The following ASTN2 variants were observed in gnomAD, a reference collection of about 807,000 sequenced individuals.
ASTN2 encodes the protein astrotactin-2.
A neutral mutation model predicts 139.8 loss-of-function variants in ASTN2; 54 were observed. The ratio of observed to expected loss-of-function variants is 0.39; its 90% confidence interval spans 0.31 to 0.48. ASTN2 has a LOEUF of 0.48. ASTN2 is among the 20% of genes least tolerant of loss of function. The pLI, the probability that ASTN2 is intolerant of heterozygous loss-of-function variation, is 0.95. For synonymous variants in ASTN2, 756 were observed against 719.5 expected (o/e 1.05, Z -0.81); for missense variants, 1,565 against 1,725.1 (o/e 0.91, Z 1.64).
At chr9:117,010,090 T>C (rs1046719948) in intron 6 of ASTN2, among the ~76,000 whole-genome samples, 2 of 152,054 alleles carry the variant, frequency 1.3e-5, no homozygotes, top group African/African-American at 4.8e-5. Flanking sequence ...CTTTGTGAAG[T>C]AGGAGGAATA....
intron 13 of ASTN2, among the ~76,000 whole-genome samples, chr9:116,769,385 G>C (rs973278796): frequency 2.6e-5 from 4 of 152,094 alleles, no homozygotes; most frequent in African/African-American, 4.8e-5. Flanking sequence ...AGAGTAAGTG[G>C]GAAGTGAGGA....
chr9:116,514,954 G>A (rs891879768), intron 19 of ASTN2, among the ~76,000 whole-genome samples: 4 of 152,036 alleles, frequency 2.6e-5, no homozygotes, highest in Non-Finnish European at 4.4e-5. Flanking sequence ...CGGGTGAGGC[G>A]ATGCCTCACC....
intron 4 of ASTN2, among the ~76,000 whole-genome samples, chr9:117,121,881 A>G (rs1587987032): frequency 6.6e-6 from 1 of 152,144 alleles, no homozygotes; most frequent in East Asian, 1.9e-4. Flanking sequence ...ACACTTTCAA[A>G]CAACCAGAAC....
chr9:117,017,093 T>C (rs72757420), intron 6 of ASTN2, among the ~76,000 whole-genome samples: 6,558 of 152,048 alleles, frequency 0.043, 246 homozygotes, highest in South Asian at 0.14. Flanking sequence ...TTCAAAAAAG[T>C]ATCTTTTCCC....
chr9:117,278,727 A>G (rs1031738849), intron 2 of ASTN2, among the ~76,000 whole-genome samples: 1 of 152,220 alleles, frequency 6.6e-6, no homozygotes, highest in African/African-American at 2.4e-5. Flanking sequence ...TTGAGCTGGG[A>G]ACATTAGCAG....
At chr9:117,010,072 AG>A (rs2132590040) in intron 6 of ASTN2, among the ~76,000 whole-genome samples, 2 of 152,316 alleles carry the variant, frequency 1.3e-5, no homozygotes, top group Non-Finnish European at 2.9e-5. Context: ...TGCAAAAGAA[AG>A]AGGGGTCTTT....
intron 5 of ASTN2, among the ~76,000 whole-genome samples, chr9:117,093,097 G>C (rs1425925111): frequency 6.6e-6 from 1 of 152,092 alleles, no homozygotes; most frequent in African/African-American, 2.4e-5. Context: ...TCACACACAA[G>C]TAAGAAGAGA....
At chr9:117,056,297 A>G (rs1351219920) in intron 5 of ASTN2, among the ~76,000 whole-genome samples, 1 of 152,212 alleles carries the variant, frequency 6.6e-6, no homozygotes, top group Non-Finnish European at 1.5e-5. Context: ...ACCAGTACCT[A>G]CTTAAATGGA....
chr9:116,844,254 T>G (rs1206158834), intron 11 of ASTN2, among the ~76,000 whole-genome samples: 1 of 152,230 alleles, frequency 6.6e-6, no homozygotes, highest in African/African-American at 2.4e-5. Context: ...AGAATCAGTT[T>G]TCTTTTTCTC....
chr9:116,936,446 A>T (rs1165331545), intron 10 of ASTN2, among the ~76,000 whole-genome samples: 3 of 152,124 alleles, frequency 2.0e-5, no homozygotes, highest in Admixed American at 2.0e-4. Context: ...GTCTCATTGC[A>T]TTCTCACAAC....
rs550765111 is a variant in ASTN2, at chr9:116,463,748, C to A, written c.3498-21195G>T. Among the ~76,000 whole-genome samples, 3 of 152,252 alleles carry A rather than the reference C, an allele frequency of 2.0e-5. No homozygotes were observed. The East Asian group carries it at 5.8e-4, about 29-fold the overall frequency. Reference sequence around the variant, plus strand: ...TTATAGTTACATTGTGTTTCCTACTCTATCTTCTCCACTACGCTGTGAGCT... The same window carrying A: ...TTATAGTTACATTGTGTTTCCTACTATATCTTCTCCACTACGCTGTGAGCT... On this transcript the variant is annotated intron_variant, in intron 20 of 22. Coordinates refer to ENST00000313400, the MANE Select transcript of ASTN2 (RefSeq NM_001365068.1).
At chr9:117,062,881 T>C (rs1839333273) in intron 5 of ASTN2, among the ~76,000 whole-genome samples, 1 of 152,238 alleles carries the variant, frequency 6.6e-6, no homozygotes, top group Admixed American at 6.5e-5. Flanking sequence ...TTCATAACCA[T>C]ATCAATACGC....
intron 1 of ASTN2, among the ~76,000 whole-genome samples, chr9:117,345,520 G>T (rs184010366): frequency 2.6e-5 from 4 of 152,226 alleles, no homozygotes; most frequent in African/African-American, 9.6e-5. Flanking sequence ...AAGAGATGAC[G>T]ATCTTGCCCA....
At chr9:116,875,824 C>T (rs1043623643) in intron 10 of ASTN2, among the ~76,000 whole-genome samples, 2 of 152,210 alleles carry the variant, frequency 1.3e-5, no homozygotes, top group Non-Finnish European at 2.9e-5. Flanking sequence ...TGAATGACAG[C>T]ACATCTGTTT....
At chr9:117,381,020 T>C (rs1313919588) in intron 1 of ASTN2, among the ~76,000 whole-genome samples, 1 of 152,180 alleles carries the variant, frequency 6.6e-6, no homozygotes, top group Non-Finnish European at 1.5e-5. Context: ...CATCAACAGA[T>C]GCATGGATAA....
chr9:117,251,387 T>A (rs573175056), intron 2 of ASTN2, among the ~76,000 whole-genome samples: 2 of 152,104 alleles, frequency 1.3e-5, no homozygotes, highest in African/African-American at 4.8e-5. Flanking sequence ...TGTCTCATGA[T>A]ACTTATTATA....
At chr9:117,071,104 A>G (rs1038234678) in intron 5 of ASTN2, among the ~76,000 whole-genome samples, 3 of 148,004 alleles carry the variant, frequency 2.0e-5, no homozygotes, top group African/African-American at 7.4e-5. Context: ...TAGAGCTTCC[A>G]GTTTTTCTGT....
intron 10 of ASTN2, among the ~76,000 whole-genome samples, chr9:116,930,096 A>T (rs1834857592): frequency 6.6e-6 from 1 of 152,188 alleles, no homozygotes; most frequent in Non-Finnish European, 1.5e-5. Context: ...AGCAAATGGG[A>T]AACTGTGATG....
intron 19 of ASTN2, among the ~76,000 whole-genome samples, chr9:116,580,903 GC>G (rs1457169527): frequency 6.6e-6 from 1 of 152,112 alleles, no homozygotes; most frequent in African/African-American, 2.4e-5. Flanking sequence ...AGTCCAAACA[GC>G]CCTAAAATAA....
Sources: gnomAD v4.1 joint callset for allele counts (sites outside exome capture counted in the v4.1 genomes callset) on GRCh38, gnomAD v4.1.1 for gene constraint, MANE v1.5 for transcripts, NCBI Gene and HGNC (gene_info 2026-07-23, HGNC 2026-07-21) for gene names.